CAMTA1: variants seen among roughly 807,000 people sequenced by gnomAD.
CAMTA1 encodes the protein calmodulin-binding transcription activator 1.
In CAMTA1, 27 loss-of-function variants were observed where a neutral mutation model predicts 170.9. The observed-to-expected ratio is 0.16, with a 90% CI of 0.12 to 0.22. The LOEUF (loss-of-function observed/expected upper bound fraction) is 0.22. CAMTA1 is among the 10% of genes least tolerant of loss of function. CAMTA1 has a pLI of 1.00. For missense variants in CAMTA1, 1,619 were observed against 2,217.2 expected, an observed-to-expected ratio of 0.73 and a Z score of 5.42; for synonymous variants, 833 against 891.5, an observed-to-expected ratio of 0.93 and a Z score of 1.17.
chr1:7,139,131 A>C (rs1253901770), intron 4 of CAMTA1, among the ~76,000 whole-genome samples: 1 of 82,934 alleles, frequency 1.2e-5, no homozygotes, highest in African/African-American at 6.1e-5. Context: ...ATTTTTATAA[A>C]TATAAATAAA....
chr1:7,312,319 A>C (rs948103273), intron 5 of CAMTA1, among the ~76,000 whole-genome samples: 1 of 152,062 alleles, frequency 6.6e-6, no homozygotes, highest in Non-Finnish European at 1.5e-5. Context: ...AAAAAAAACA[A>C]AAAACGGGAT....
At chr1:7,449,814 T>A (rs939314713) in intron 5 of CAMTA1, among the ~76,000 whole-genome samples, 31 of 146,934 alleles carry the variant, frequency 2.1e-4, no homozygotes, top group Admixed American at 2.1e-3. Flanking sequence ...GAAAAGAAAG[T>A]ACTGGGGCCC....
At chr1:7,231,459 G>A (rs1337103841) in intron 4 of CAMTA1, among the ~76,000 whole-genome samples, 1 of 151,930 alleles carries the variant, frequency 6.6e-6, no homozygotes, top group East Asian at 1.9e-4. Context: ...TGCAACCTCT[G>A]CCTCCCAGGT....
At chr1:6,831,783 T>C (rs1250415147) in intron 3 of CAMTA1, among the ~76,000 whole-genome samples, 1 of 152,224 alleles carries the variant, frequency 6.6e-6, no homozygotes, top group Non-Finnish European at 1.5e-5. Context: ...TGTTTTTAGT[T>C]GGTGGTAGCT....
At position 7,548,187 on chromosome 1, in the gene CAMTA1, G is replaced by A. The variant is rs1191846954; in HGVS notation, c.510+80286G>A. On this transcript the variant is annotated intron_variant, in intron 6 of 22. Coordinates refer to ENST00000303635, the MANE Select transcript of CAMTA1 (RefSeq NM_015215.4). ...AGGTCACTGGTCATGCCCTGTATGG[G>A]TACTGAGGAAGCACAGTTCTGGGTC... Among the ~76,000 whole-genome samples, 6 of 152,324 alleles carry A rather than the reference G, an allele frequency of 3.9e-5. No individual in the cohort carries two copies. In the East Asian group the frequency reaches 9.6e-4, roughly 24 times the overall value.
At position 7,007,919 on chromosome 1, in the gene CAMTA1, C is replaced by T. The variant is rs61780919; in HGVS notation, c.235-83385C>T. On this transcript the variant is annotated intron_variant, in intron 3 of 22. Coordinates refer to ENST00000303635, the MANE Select transcript of CAMTA1 (RefSeq NM_015215.4). This position sits in a 1 kb window ranked among gnomAD's most constrained non-coding sequence, Gnocchi z 4.5. Reference sequence around the variant, plus strand: ...AGAGCTTGTGAGACCCGGGAAACAGCGTTCCATACAATTGAGTGACAGAGC... The same window carrying T: ...AGAGCTTGTGAGACCCGGGAAACAGTGTTCCATACAATTGAGTGACAGAGC... Among the ~76,000 whole-genome samples, 1,341 of 152,268 alleles carry T rather than the reference C, an allele frequency of 8.8e-3. 15 individuals are homozygous for T. Among genetic ancestry groups the T allele is most frequent in the South Asian group, 0.024 (114 of 4,820 alleles).
chr1:7,238,765 C>A (rs1664344445), intron 4 of CAMTA1, among the ~76,000 whole-genome samples: 1 of 152,200 alleles, frequency 6.6e-6, no homozygotes, highest in Admixed American at 6.5e-5. Flanking sequence ...TACCTGTAAT[C>A]CCAGCTTCCA....
intron 1 of CAMTA1, among the ~76,000 whole-genome samples, chr1:6,803,776 G>A (rs773923199): frequency 1.8e-4 from 27 of 152,298 alleles, no homozygotes; most frequent in African/African-American, 5.8e-4. Context: ...GTGCAGAGGT[G>A]TGATCGTAGC....
intron 4 of CAMTA1, among the ~76,000 whole-genome samples, chr1:7,185,277 T>A (rs1308056411): frequency 1.3e-5 from 2 of 152,150 alleles, no homozygotes; most frequent in African/African-American, 4.8e-5. Context: ...CCACCCTGAT[T>A]TTTTTCTTAA....
At chr1:7,563,622 G>A (rs1219027688) in intron 6 of CAMTA1, among the ~76,000 whole-genome samples, 1 of 152,234 alleles carries the variant, frequency 6.6e-6, no homozygotes, top group Non-Finnish European at 1.5e-5. Context: ...AGACTGGATG[G>A]CAGCCAGTGC....
At chr1:6,937,533 C>T (rs1287980607) in intron 3 of CAMTA1, among the ~76,000 whole-genome samples, 16 of 127,248 alleles carry the variant, frequency 1.3e-4, no homozygotes, top group Admixed American at 1.5e-4. Context: ...ATCACCATCA[C>T]CATTCACCAC....
chr1:7,019,147 C>G (rs1701003355), intron 3 of CAMTA1, among the ~76,000 whole-genome samples: 1 of 152,204 alleles, frequency 6.6e-6, no homozygotes, highest in East Asian at 1.9e-4. Context: ...CCATGACTTT[C>G]TGCTTCTCAC....
At chr1:7,727,865 C>T (rs1026399251) in intron 11 of CAMTA1, among the ~76,000 whole-genome samples, 19 of 152,332 alleles carry the variant, frequency 1.2e-4, no homozygotes, top group African/African-American at 4.1e-4. Flanking sequence ...GCCCTGGCCC[C>T]GTGCAGAGGA....
rs112733335 is a variant in CAMTA1 at position 7,768,757 on chromosome 1, G to A, written c.*2266G>A. The A allele has an allele frequency of 1.3e-5, 2 of 152,640 alleles. No homozygotes were observed. The highest frequency in any genetic ancestry group is 4.8e-5 in the African/African-American group (2 of 41,480). The allele number at this position is 152,640 out of a possible 1,614,324, so 9.5% of individuals were successfully genotyped here. ...ACTCCATTTTGTTTTTAAATGTGTG[G>A]GTTATGTTGCAGCTGTTGCAGTCCC... On this transcript the variant is annotated 3_prime_UTR_variant, in exon 23 of 23. Coordinates refer to ENST00000303635, the MANE Select transcript of CAMTA1 (RefSeq NM_015215.4).
chr1:7,515,516 C>A (rs143515273), intron 6 of CAMTA1, among the ~76,000 whole-genome samples: 2 of 152,180 alleles, frequency 1.3e-5, no homozygotes, highest in African/African-American at 4.8e-5. Context: ...TCAGGGGTGG[C>A]TGCACAGCCA....
chr1:7,278,553 C>T (rs568745809), intron 5 of CAMTA1, among the ~76,000 whole-genome samples: 39 of 152,306 alleles, frequency 2.6e-4, no homozygotes, highest in Middle Eastern at 3.4e-3. Flanking sequence ...AACTGAGGCT[C>T]AGAAAGTTTA....
At chr1:7,425,266 A>G (rs2091814845) in intron 5 of CAMTA1, among the ~76,000 whole-genome samples, 1 of 152,166 alleles carries the variant, frequency 6.6e-6, no homozygotes, top group South Asian at 2.1e-4. Flanking sequence ...CTCAGGGAAG[A>G]CAGAGCGAGG....
rs530677734 is a variant in CAMTA1 at position 7,498,298 on chromosome 1, CAGTG to C, written c.510+30402_510+30405del. Among the ~76,000 whole-genome samples, 424 of 144,588 alleles carry C rather than the reference CAGTG, an allele frequency of 2.9e-3. 1 individual carries two copies. The highest frequency in any genetic ancestry group is 0.01 in the African/African-American group (399 of 38,640). The allele number at this position is 144,588 out of a possible 152,430, so 94.9% of individuals were successfully genotyped here. ...TGAGTGTGAGCGTGTATGAGCGTGACAGTGAGTGTGGATGTGTGTGTAAGAGTGA... is the reference window on the plus strand; with the variant it reads ...TGAGTGTGAGCGTGTATGAGCGTGACAGTGTGGATGTGTGTGTAAGAGTGA... On this transcript the variant is annotated intron_variant, in intron 6 of 22. Transcript: ENST00000303635.
At chr1:7,417,742 C>T (rs568263760) in intron 5 of CAMTA1, among the ~76,000 whole-genome samples, 4 of 152,316 alleles carry the variant, frequency 2.6e-5, no homozygotes, top group African/African-American at 7.2e-5. Context: ...GGCAATGCCT[C>T]GCTGTGCTTC....
Sources: gnomAD v4.1 joint callset for allele counts (sites outside exome capture counted in the v4.1 genomes callset) on GRCh38, gnomAD v4.1.1 for gene constraint, Gnocchi (gnomAD v3.1) non-coding constraint, MANE v1.5 for transcripts, NCBI Gene and HGNC (gene_info 2026-07-23, HGNC 2026-07-21) for gene names.